The following CTNNA3 variants were observed in gnomAD, a reference collection of about 807,000 sequenced individuals.
CTNNA3 encodes catenin alpha 3.
In CTNNA3, 76 loss-of-function variants were observed where a neutral mutation model predicts 95.7. The observed-to-expected ratio is 0.79, with a 90% CI of 0.66 to 0.96. The LOEUF (loss-of-function observed/expected upper bound fraction) is 0.96, where lower values mean the gene tolerates loss of function less well. CTNNA3 is among the 40% of genes least tolerant of loss of function. CTNNA3 has a pLI of 0.00. For missense variants in CTNNA3, 1,191 were observed against 1,089.8 expected (o/e 1.09, Z -1.31); for synonymous variants, 431 against 374.4 (o/e 1.15, Z -1.74).
intron 2 of CTNNA3, among the ~76,000 whole-genome samples, chr10:67,643,599 T>A (rs1839610152): frequency 6.6e-6 from 1 of 151,998 alleles, no homozygotes; most frequent in Non-Finnish European, 1.5e-5. Context: ...GTTTGTTACA[T>A]AGGTATACAC....
intron 13 of CTNNA3, among the ~76,000 whole-genome samples, chr10:66,129,785 C>G (rs1206731660): frequency 1.3e-5 from 2 of 152,116 alleles, no homozygotes; most frequent in Admixed American, 6.5e-5. Flanking sequence ...GTGTCCTCCC[C>G]TCACTGCAGC....
chr10:66,361,047 C>A (rs1409873434), intron 12 of CTNNA3, among the ~76,000 whole-genome samples: 1 of 151,372 alleles, frequency 6.6e-6, no homozygotes, highest in Non-Finnish European at 1.5e-5. Context: ...TCCTTGAACT[C>A]CTGGGCTCAA....
intron 5 of CTNNA3, among the ~76,000 whole-genome samples, chr10:67,474,792 A>G (rs982131471): frequency 2.0e-5 from 3 of 152,228 alleles, no homozygotes; most frequent in East Asian, 3.8e-4. Flanking sequence ...CTGTGAGGAT[A>G]CAGAGCAACT....
intron 12 of CTNNA3, among the ~76,000 whole-genome samples, chr10:66,376,760 C>T (rs893229581): frequency 3.3e-5 from 5 of 152,128 alleles, no homozygotes; most frequent in African/African-American, 4.8e-5. Flanking sequence ...CAGAGAAAGA[C>T]AGTCCACAGA....
intron 13 of CTNNA3, among the ~76,000 whole-genome samples, chr10:66,261,132 T>C (rs1409093082): frequency 6.6e-6 from 1 of 152,144 alleles, no homozygotes; most frequent in East Asian, 1.9e-4. Flanking sequence ...CAAAACTTCC[T>C]TCCCTCAGGC....
intron 7 of CTNNA3, among the ~76,000 whole-genome samples, chr10:67,024,468 G>T (rs1248958196): frequency 2.0e-5 from 3 of 152,186 alleles, no homozygotes; most frequent in Non-Finnish European, 4.4e-5. Context: ...TAACATAGTT[G>T]CAGGTTCTGG....
At chr10:66,751,283 C>T (rs1839129060) in intron 9 of CTNNA3, among the ~76,000 whole-genome samples, 2 of 151,992 alleles carry the variant, frequency 1.3e-5, no homozygotes, top group South Asian at 4.1e-4. Flanking sequence ...AAAATTTCCA[C>T]TTGTCCACTT....
At chr10:66,333,692 G>C (rs538270943) in intron 12 of CTNNA3, among the ~76,000 whole-genome samples, 2 of 151,700 alleles carry the variant, frequency 1.3e-5, no homozygotes, top group South Asian at 2.1e-4. Flanking sequence ...GTGCTGAAAA[G>C]AATGTATATT....
intron 15 of CTNNA3, among the ~76,000 whole-genome samples, chr10:66,053,104 T>G (rs1456890264): frequency 6.6e-6 from 1 of 152,148 alleles, no homozygotes; most frequent in Non-Finnish European, 1.5e-5. Context: ...TCCATTGAAC[T>G]ATCTTACTGT....
chr10:66,553,678 C>G (rs1411898872), intron 10 of CTNNA3, among the ~76,000 whole-genome samples: 1 of 151,474 alleles, frequency 6.6e-6, no homozygotes, highest in African/African-American at 2.4e-5. Context: ...CAGGTGACCG[C>G]CACCACACCC....
intron 3 of CTNNA3, among the ~76,000 whole-genome samples, chr10:67,558,807 C>A (rs1397217316): frequency 6.6e-6 from 1 of 152,216 alleles, no homozygotes; most frequent in Admixed American, 6.5e-5. Context: ...TTCCAACGGG[C>A]TTAAAAAATG....
At chr10:66,166,448 C>T (rs760364720) in intron 13 of CTNNA3, among the ~76,000 whole-genome samples, 7 of 147,236 alleles carry the variant, frequency 4.8e-5, no homozygotes, top group South Asian at 2.1e-4. Flanking sequence ...GAGCTGAGAT[C>T]GCACCACTGC....
intron 5 of CTNNA3, among the ~76,000 whole-genome samples, chr10:67,496,879 T>G (rs1373814706): frequency 6.6e-6 from 1 of 152,172 alleles, no homozygotes; most frequent in Non-Finnish European, 1.5e-5. Flanking sequence ...ACACTCAACC[T>G]TCTATAAGCT....
chr10:66,619,830 T>C (rs1014645690), intron 10 of CTNNA3, among the ~76,000 whole-genome samples: 5 of 152,116 alleles, frequency 3.3e-5, no homozygotes, highest in Non-Finnish European at 7.4e-5. Flanking sequence ...TATATAAACT[T>C]GTACATGTGT....
At position 67,337,970 on chromosome 10, in the gene CTNNA3, A is replaced by T. The variant is rs543391787; in HGVS notation, c.580-118100T>A. 1.6e-4 allele frequency among the ~76,000 whole-genome samples: 24 copies of T among 152,348 alleles called. 1 individual carries two copies. The highest frequency in any genetic ancestry group is 5.8e-4 in the African/African-American group (24 of 41,578). On this transcript the variant is annotated intron_variant, in intron 5 of 17. Transcript: ENST00000433211. ...ATTGCAATATTTGCTTTATTGCAGT[A>T]GTCTGAAATAAAACACACAATATCT...
rs1352364054 is a variant in CTNNA3, at chr10:67,555,769, T to G, written c.293-16100A>C. On this transcript the variant is annotated intron_variant, in intron 3 of 17. Transcript: ENST00000433211. ...ATTTCTTTCTCCTGCCTGATTGCCC[T>G]GGCCAGAACTTCCAACACTATGTTG... 2.6e-4 allele frequency among the ~76,000 whole-genome samples: 40 copies of G among 152,202 alleles called. 1 individual carries two copies. The highest frequency in any genetic ancestry group is 2.6e-3 in the Admixed American group (40 of 15,272).
chr10:66,925,110 T>A (rs1846995164), intron 7 of CTNNA3, among the ~76,000 whole-genome samples: 1 of 152,210 alleles, frequency 6.6e-6, no homozygotes, highest in East Asian at 1.9e-4. Flanking sequence ...GATAACAATG[T>A]TGTTGAACAG....
At chr10:67,623,269 G>T (rs1028937490) in intron 2 of CTNNA3, among the ~76,000 whole-genome samples, 2 of 152,154 alleles carry the variant, frequency 1.3e-5, no homozygotes, top group Non-Finnish European at 2.9e-5. Context: ...CTTCTAGAAG[G>T]CTAAGAAGCC....
chr10:66,174,749 C>A lies in CTNNA3; in HGVS notation c.1885-71500G>T, dbSNP rs1022273884. Among the ~76,000 whole-genome samples the A allele has an allele frequency of 6.6e-5, 10 of 152,002 alleles. 1 individual carries two copies. Among genetic ancestry groups the A allele is most frequent in the African/African-American group, 2.4e-4 (10 of 41,404 alleles). Reference sequence around the variant, plus strand: ...TTGGTAAACATGGGGGTCCTGGAACCAATCCCCCATGTATACTGAGGGACA... The same window carrying A: ...TTGGTAAACATGGGGGTCCTGGAACAAATCCCCCATGTATACTGAGGGACA... On this transcript the variant is annotated intron_variant, in intron 13 of 17. Coordinates refer to ENST00000433211, the MANE Select transcript of CTNNA3 (RefSeq NM_013266.4).
Sources: allele counts gnomAD v4.1 joint callset (sites outside exome capture counted in the v4.1 genomes callset), GRCh38; gene constraint gnomAD v4.1.1; transcripts MANE v1.5; gene names NCBI Gene and HGNC (gene_info 2026-07-23, HGNC 2026-07-21).